The following PDSS2 variants were observed in gnomAD, a reference collection of about 807,000 sequenced individuals.
The protein encoded by PDSS2 is decaprenyl diphosphate synthase subunit 2, also known as all trans-polyprenyl-diphosphate synthase PDSS2.
PDSS2 carries 31 observed loss-of-function variants against 44.5 expected under a neutral mutation model. The observed-to-expected ratio is 0.70, with a 90% CI of 0.52 to 0.94. The LOEUF (loss-of-function observed/expected upper bound fraction) is 0.94, where lower values mean the gene tolerates loss of function less well. Among genes scored for constraint, PDSS2 ranks in the 40% least tolerant of loss-of-function variants. The pLI is 0.00. For synonymous variants in PDSS2, 157 were observed against 180.3 expected, an observed-to-expected ratio of 0.87 and a Z score of 1.03; for missense variants, 452 against 482.2, an observed-to-expected ratio of 0.94 and a Z score of 0.59.
At chr6:107,437,606 CCA>C (rs1781394875) in intron 1 of PDSS2, among the ~76,000 whole-genome samples, 1 of 151,692 alleles carries the variant, frequency 6.6e-6, no homozygotes, top group African/African-American at 2.4e-5. Flanking sequence ...CTCCTCATTT[CCA>C]CATATACCAA....
chr6:107,172,456 T>C lies in PDSS2; in HGVS notation c.1042-17679A>G, dbSNP rs9400101. 0.01 allele frequency among the ~76,000 whole-genome samples: 1,533 copies of C among 152,170 alleles called. 73 individuals are homozygous for C. In the East Asian group the frequency reaches 0.16, roughly 16 times the overall value. On this transcript the variant is annotated intron_variant, in intron 7 of 7. Coordinates refer to ENST00000369037, the MANE Select transcript of PDSS2 (RefSeq NM_020381.4). ...CTGTAATCCTAGCACTTTGGGAGGC[T>C]GAGGCAGGAGAATCACTTGAACCTG...
chr6:107,392,304 T>C (rs975403527), intron 1 of PDSS2, among the ~76,000 whole-genome samples: 3 of 152,334 alleles, frequency 2.0e-5, no homozygotes, highest in East Asian at 3.9e-4. Flanking sequence ...TAGATTTCAA[T>C]TGGCTGCCTA....
intron 2 of PDSS2, among the ~76,000 whole-genome samples, chr6:107,278,959 C>T (rs1388866601): frequency 6.6e-6 from 1 of 152,184 alleles, no homozygotes; most frequent in Non-Finnish European, 1.5e-5. Flanking sequence ...TGGGCTCACG[C>T]CTGTAATCCC....
At chr6:107,398,544 G>A (rs1780015463) in intron 1 of PDSS2, among the ~76,000 whole-genome samples, 1 of 152,144 alleles carries the variant, frequency 6.6e-6, no homozygotes, top group Non-Finnish European at 1.5e-5. Flanking sequence ...TTGGAATGGG[G>A]TCTTGAAATC....
At chr6:107,293,421 G>A (rs1213997265) in intron 2 of PDSS2, among the ~76,000 whole-genome samples, 4 of 152,188 alleles carry the variant, frequency 2.6e-5, no homozygotes, top group Non-Finnish European at 4.4e-5. Flanking sequence ...CTGTGTCAAA[G>A]TTTTCCAAAA....
intron 4 of PDSS2, among the ~76,000 whole-genome samples, chr6:107,234,310 A>C (rs1774154235): frequency 6.6e-6 from 1 of 151,446 alleles, no homozygotes; most frequent in African/African-American, 2.4e-5. Context: ...GGTTCCAGCG[A>C]TTCTCCTGCC....
chr6:107,311,857 A>G (rs759631934), intron 2 of PDSS2, among the ~76,000 whole-genome samples: 1 of 152,226 alleles, frequency 6.6e-6, no homozygotes, highest in Non-Finnish European at 1.5e-5. Context: ...AACATGTGTA[A>G]AGTGTTTTCA....
chr6:107,230,033 G>T (rs1223138276), intron 4 of PDSS2: 2 of 208,258 alleles, frequency 9.6e-6, no homozygotes, highest in Non-Finnish European at 2.0e-5. Context: ...GGACTTGAAA[G>T]ATATAGCCTG....
chr6:107,257,395 A>C (rs1775058730), intron 3 of PDSS2, among the ~76,000 whole-genome samples: 1 of 146,214 alleles, frequency 6.8e-6, no homozygotes, highest in South Asian at 2.2e-4. Context: ...AAAAATTAAC[A>C]AGGCATGGTG....
At position 107,278,434 on chromosome 6, in the gene PDSS2, A is replaced by C. The variant is rs141764333; in HGVS notation, c.432-4207T>G. On this transcript the variant is annotated intron_variant, in intron 2 of 7. Coordinates refer to ENST00000369037, the MANE Select transcript of PDSS2 (RefSeq NM_020381.4). Reference sequence around the variant, plus strand: ...AGGAATAAAATTGTATTTTATTACTATCCTGCGAATGATTTCTAGTTTACA... The same window carrying C: ...AGGAATAAAATTGTATTTTATTACTCTCCTGCGAATGATTTCTAGTTTACA... 5.1e-3 allele frequency among the ~76,000 whole-genome samples: 774 copies of C among 152,352 alleles called. 28 individuals are homozygous for C. Among genetic ancestry groups the C allele is most frequent in the Admixed American group, 0.038 (586 of 15,294 alleles).
chr6:107,183,115 G>A (rs1772041321), intron 7 of PDSS2, among the ~76,000 whole-genome samples: 1 of 151,770 alleles, frequency 6.6e-6, no homozygotes, highest in Non-Finnish European at 1.5e-5. Context: ...GCAAAGCTGA[G>A]GTGGGAGGAT....
Position 107,225,248 on chromosome 6 carries a change from C to A in PDSS2, c.703-12966G>T, listed in dbSNP as rs191817017. 3.6e-4 allele frequency among the ~76,000 whole-genome samples: 50 copies of A among 140,054 alleles called. 1 individual carries two copies. Among genetic ancestry groups the A allele is most frequent in the Non-Finnish European group, 5.1e-4 (34 of 66,414 alleles). The allele number at this position is 140,054 out of a possible 152,430, so 91.9% of individuals were successfully genotyped here. ...GTGCAGTGGCATGATCTTGGGCTCACTGCAACCTCCGCCTCCCGGGTTCAT... is the reference window on the plus strand; with the variant it reads ...GTGCAGTGGCATGATCTTGGGCTCAATGCAACCTCCGCCTCCCGGGTTCAT... On this transcript the variant is annotated intron_variant, in intron 4 of 7. Transcript: ENST00000369037.
intron 7 of PDSS2, among the ~76,000 whole-genome samples, chr6:107,159,081 TG>T (rs1253812812): frequency 6.6e-6 from 1 of 152,056 alleles, no homozygotes; most frequent in African/African-American, 2.4e-5. Context: ...GTCGGACTGC[TG>T]GGGGGACTAC....
intron 1 of PDSS2, among the ~76,000 whole-genome samples, chr6:107,337,870 C>T (rs186576688): frequency 6.6e-6 from 1 of 152,154 alleles, no homozygotes; most frequent in Admixed American, 6.5e-5. Flanking sequence ...GAAAACACCC[C>T]TTTCAGAATG....
At chr6:107,267,588 CT>C (rs55860139) in intron 3 of PDSS2, among the ~76,000 whole-genome samples, 26,282 of 132,234 alleles carry the variant, frequency 0.2, 2,370 homozygotes, top group South Asian at 0.22. Flanking sequence ...GATTCTCTTT[CT>C]TTTTTTTTTT....
chr6:107,306,602 C>T (rs959698302), intron 2 of PDSS2, among the ~76,000 whole-genome samples: 1 of 151,956 alleles, frequency 6.6e-6, no homozygotes, highest in Non-Finnish European at 1.5e-5. Flanking sequence ...TAATCAGATC[C>T]TTTTATGATG....
chr6:107,363,982 G>A (rs995360025), intron 1 of PDSS2, among the ~76,000 whole-genome samples: 3 of 150,122 alleles, frequency 2.0e-5, no homozygotes, highest in Non-Finnish European at 4.4e-5. Flanking sequence ...ACAGAGTGCC[G>A]ATTGGTGTAT....
At chr6:107,458,398 G>C (rs1782118733) in intron 1 of PDSS2, among the ~76,000 whole-genome samples, 1 of 48,990 alleles carries the variant, frequency 2.0e-5, no homozygotes, top group Non-Finnish European at 5.3e-5. Flanking sequence ...GGGCGACAAA[G>C]CGAGACTCCG....
intron 1 of PDSS2, among the ~76,000 whole-genome samples, chr6:107,371,513 C>T (rs1172021142): frequency 6.6e-6 from 1 of 152,170 alleles, no homozygotes; most frequent in Non-Finnish European, 1.5e-5. Context: ...TTTCAACTGA[C>T]ATTTTCCCTT....
Sources: allele counts gnomAD v4.1 joint callset (sites outside exome capture counted in the v4.1 genomes callset), GRCh38; gene constraint gnomAD v4.1.1; transcripts MANE v1.5; gene names NCBI Gene and HGNC (gene_info 2026-07-23, HGNC 2026-07-21).